LRRC7: variants seen among roughly 807,000 people sequenced by gnomAD.
The protein encoded by LRRC7 is leucine-rich repeat-containing protein 7.
Under a neutral mutation model 175.7 loss-of-function variants are expected in LRRC7, and 23 were observed. The observed-to-expected ratio is 0.13, with a 90% CI of 0.09 to 0.19. The LOEUF is 0.19. Among genes scored for constraint, LRRC7 ranks in the 10% least tolerant of loss-of-function variants. The probability of loss-of-function intolerance (pLI) is 1.00; values close to 1 mark genes in which losing one functional copy is unlikely to be tolerated. For synonymous variants in LRRC7, 685 were observed against 680.9 expected, an observed-to-expected ratio of 1.01 and a Z score of -0.09; for missense variants, 1,354 against 1,904.7, an observed-to-expected ratio of 0.71 and a Z score of 5.38.
intron 17 of LRRC7, among the ~76,000 whole-genome samples, chr1:70,025,841 G>GA (rs1260557483): frequency 7.2e-6 from 1 of 139,504 alleles, no homozygotes; most frequent in East Asian, 2.4e-4. Flanking sequence ...AGGGGGGGGG[G>GA]GTCCTCTTTC....
intron 7 of LRRC7, among the ~76,000 whole-genome samples, chr1:69,906,027 C>T (rs1646296376): frequency 1.3e-5 from 2 of 152,222 alleles, no homozygotes; most frequent in African/African-American, 2.4e-5. Context: ...AGCATTTGTT[C>T]ATGTGTTTTT....
intron 7 of LRRC7, among the ~76,000 whole-genome samples, chr1:69,844,707 T>C (rs1380485592): frequency 6.6e-6 from 1 of 152,112 alleles, no homozygotes; most frequent in Non-Finnish European, 1.5e-5. Flanking sequence ...TATTTAGAAG[T>C]GGGATTGCTG....
At chr1:69,804,485 G>A (rs1318673047) in intron 4 of LRRC7, among the ~76,000 whole-genome samples, 1 of 151,338 alleles carries the variant, frequency 6.6e-6, no homozygotes, top group Non-Finnish European at 1.5e-5. Flanking sequence ...GATCTCTTAT[G>A]TTCAGTAAAA....
At chr1:69,611,260 A>G (rs1483824023) in intron 1 of LRRC7, among the ~76,000 whole-genome samples, 1 of 151,876 alleles carries the variant, frequency 6.6e-6, no homozygotes, top group Non-Finnish European at 1.5e-5. Flanking sequence ...TTTCCTAAGT[A>G]TTATAAGTAT....
At chr1:69,694,212 G>T (rs1019049145) in intron 2 of LRRC7, among the ~76,000 whole-genome samples, 1 of 152,218 alleles carries the variant, frequency 6.6e-6, no homozygotes, top group South Asian at 2.1e-4. Context: ...TTCCCTTAGG[G>T]CAAGGCAATT....
chr1:69,722,045 G>T (rs1353026774), intron 2 of LRRC7, among the ~76,000 whole-genome samples: 1 of 151,702 alleles, frequency 6.6e-6, no homozygotes, highest in Non-Finnish European at 1.5e-5. Flanking sequence ...TCTATCCCTA[G>T]CCAATTTCCC....
In LRRC7 at chr1:70,018,757, A is replaced by G. The variant is rs1256500487; in HGVS notation, c.1359A>G (p.Pro453=). ...TCCCTTTACAAACAGAAGCCCATCC[A>G]GAAACAAAGCAAAGAGTATTGACTA... ...ALIPLQTEAH[P]ETKQRVLTNY... The change falls in exon 15 of 27, where the codon CCA becomes CCG. Residue 453 remains proline (P), a synonymous_variant. Coordinates refer to ENST00000651989, the MANE Select transcript of LRRC7 (RefSeq NM_001370785.2). 4 of 1,612,790 alleles carry G rather than the reference A, an allele frequency of 2.5e-6. No individual in the cohort carries two copies. Among genetic ancestry groups the G allele is most frequent in the Non-Finnish European group, 3.4e-6 (4 of 1,179,154 alleles).
chr1:69,924,962 G>C (rs1294692059), intron 7 of LRRC7, among the ~76,000 whole-genome samples: 1 of 152,144 alleles, frequency 6.6e-6, no homozygotes, highest in Admixed American at 6.5e-5. Context: ...TTATTATTTT[G>C]AGATACATCC....
At chr1:69,847,482 CAT>C (rs1396667209) in intron 7 of LRRC7, among the ~76,000 whole-genome samples, 3 of 152,088 alleles carry the variant, frequency 2.0e-5, no homozygotes, top group African/African-American at 7.2e-5. Context: ...ATATTCACCA[CAT>C]GTTAACATGG....
chr1:69,671,688 G>A (rs1475278264), intron 1 of LRRC7, among the ~76,000 whole-genome samples: 2 of 152,252 alleles, frequency 1.3e-5, no homozygotes, highest in South Asian at 2.1e-4. Context: ...CTGCTGGGAT[G>A]GGCAATACTC....
chr1:69,844,241 T>G (rs1026772897), intron 7 of LRRC7, among the ~76,000 whole-genome samples: 1 of 152,152 alleles, frequency 6.6e-6, no homozygotes, highest in Non-Finnish European at 1.5e-5. Context: ...TAACAAACTT[T>G]TAAGCATACA....
intron 2 of LRRC7, among the ~76,000 whole-genome samples, chr1:69,757,875 A>C (rs1276408964): frequency 6.6e-6 from 1 of 151,822 alleles, no homozygotes; most frequent in South Asian, 2.1e-4. Context: ...TAGATACTCA[A>C]ATTAAAAACC....
At chr1:70,048,914 A>G (rs1311564628) in intron 22 of LRRC7, among the ~76,000 whole-genome samples, 1 of 152,096 alleles carries the variant, frequency 6.6e-6, no homozygotes, top group Non-Finnish European at 1.5e-5. Context: ...AGGGCTGGGG[A>G]GAAAATCATT....
At chr1:69,574,223 C>A (rs1222157293) in intron 1 of LRRC7, among the ~76,000 whole-genome samples, 1 of 151,872 alleles carries the variant, frequency 6.6e-6, no homozygotes, top group East Asian at 1.9e-4. Flanking sequence ...AGGTAGCTGA[C>A]CTTAAAACAA....
rs556978516 is a variant in LRRC7 at position 69,699,308 on chromosome 1, G to C, written c.100+20830G>C. On this transcript the variant is annotated intron_variant, in intron 2 of 26. Coordinates refer to ENST00000651989, the MANE Select transcript of LRRC7 (RefSeq NM_001370785.2). ...TGTAATCCCAGCACTTTGGGAGGCT[G>C]AGGCAGGTGGATCACAAGGTCAATA... 1.6e-4 allele frequency among the ~76,000 whole-genome samples: 24 copies of C among 152,262 alleles called. No homozygotes were observed. In the South Asian group the frequency reaches 5.0e-3, roughly 32 times the overall value.
intron 3 of LRRC7, among the ~76,000 whole-genome samples, chr1:69,776,388 C>A (rs541704075): frequency 6.6e-5 from 10 of 152,206 alleles, no homozygotes; most frequent in Admixed American, 3.3e-4. Context: ...GATAGTTGCA[C>A]TTTCCAGAAA....
chr1:69,649,212 T>G (rs760685149), intron 1 of LRRC7, among the ~76,000 whole-genome samples: 28 of 152,224 alleles, frequency 1.8e-4, no homozygotes, highest in Non-Finnish European at 2.9e-4. Flanking sequence ...GTTGCCTCAG[T>G]TTATTCATAC....
chr1:69,869,566 C>T (rs564515152), intron 7 of LRRC7, among the ~76,000 whole-genome samples: 2 of 152,252 alleles, frequency 1.3e-5, no homozygotes, highest in African/African-American at 4.8e-5. Context: ...CTTTACTATT[C>T]TCATATGTTA....
chr1:69,837,117 T>G (rs1474170458), intron 6 of LRRC7, among the ~76,000 whole-genome samples: 1 of 151,908 alleles, frequency 6.6e-6, no homozygotes, highest in Non-Finnish European at 1.5e-5. Context: ...AAGTGTGAAA[T>G]GCATTCCTAA....
Sources: allele counts gnomAD v4.1 joint callset (sites outside exome capture counted in the v4.1 genomes callset), GRCh38; gene constraint gnomAD v4.1.1; transcripts MANE v1.5; gene names NCBI Gene and HGNC (gene_info 2026-07-23, HGNC 2026-07-21).